The following ALK variants were observed in gnomAD, a reference collection of about 807,000 sequenced individuals.
ALK encodes the protein ALK receptor tyrosine kinase.
In ALK, 74 loss-of-function variants were observed where a neutral mutation model predicts 163.1. The observed-to-expected ratio is 0.45, with a 90% CI of 0.38 to 0.55. ALK has a LOEUF of 0.55. ALK is among the 20% of genes least tolerant of loss of function. The probability of loss-of-function intolerance (pLI) is 0.00; values close to 1 mark genes in which losing one functional copy is unlikely to be tolerated. For synonymous variants in ALK, 960 were observed against 843.2 expected, an observed-to-expected ratio of 1.14 and a Z score of -2.40; for missense variants, 2,063 against 2,105.3, an observed-to-expected ratio of 0.98 and a Z score of 0.39.
intron 1 of ALK, among the ~76,000 whole-genome samples, chr2:29,873,465 G>A (rs796591450): frequency 4.6e-5 from 7 of 152,246 alleles, no homozygotes; most frequent in Admixed American, 2.0e-4. Flanking sequence ...CTGAGAATGG[G>A]AAACCTGGAA....
At chr2:29,506,612 G>T (rs1283215243) in intron 4 of ALK, among the ~76,000 whole-genome samples, 1 of 152,236 alleles carries the variant, frequency 6.6e-6, no homozygotes. Flanking sequence ...CAGGCCTGGT[G>T]GTGGGTGCCT....
At chr2:29,431,942 C>T (rs1670282570) in intron 4 of ALK, among the ~76,000 whole-genome samples, 1 of 151,984 alleles carries the variant, frequency 6.6e-6, no homozygotes, top group African/African-American at 2.4e-5. Context: ...CCCGTCCCGT[C>T]CAGTCCCGTC....
rs139972521 is a variant in ALK at position 29,434,393 on chromosome 2, T to C, written c.1155-50534A>G. Among the ~76,000 whole-genome samples, 31 of 152,302 alleles carry C rather than the reference T, an allele frequency of 2.0e-4. No individual in the cohort carries two copies. The East Asian group carries it at 5.2e-3, about 26-fold the overall frequency. On this transcript the variant is annotated intron_variant, in intron 4 of 28. Coordinates refer to ENST00000389048, the MANE Select transcript of ALK (RefSeq NM_004304.5). ...GGCCCACTCCCACGCCTGCTTTGTC[T>C]CCTGGGAATATCAAATTCATATTGA...
chr2:29,501,954 T>C (rs1672199409), intron 4 of ALK, among the ~76,000 whole-genome samples: 1 of 152,184 alleles, frequency 6.6e-6, no homozygotes, highest in Non-Finnish European at 1.5e-5. Context: ...TGTGTCTGGT[T>C]AGCATAATGT....
intron 23 of ALK, among the ~76,000 whole-genome samples, chr2:29,215,066 A>G (rs1669564689): frequency 6.6e-6 from 1 of 152,350 alleles, no homozygotes; most frequent in African/African-American, 2.4e-5. Flanking sequence ...GGGTCAAATC[A>G]ATCCCCTTTA....
chr2:29,837,538 A>G (rs142360516), intron 1 of ALK, among the ~76,000 whole-genome samples: 1 of 152,326 alleles, frequency 6.6e-6, no homozygotes, highest in Non-Finnish European at 1.5e-5. Flanking sequence ...ACCCCAATCT[A>G]CTGGAGATGG....
chr2:29,461,058 G>T (rs1159933980), intron 4 of ALK, among the ~76,000 whole-genome samples: 11 of 152,174 alleles, frequency 7.2e-5, no homozygotes, highest in African/African-American at 2.7e-4. Context: ...GTTCTGAATA[G>T]GAGATCAAAT....
chr2:29,576,084 C>A lies in ALK; in HGVS notation c.953-43968G>T, dbSNP rs1374189661. Among the ~76,000 whole-genome samples the A allele has an allele frequency of 2.6e-5, 4 of 152,296 alleles. No individual in the cohort carries two copies. The East Asian group carries it at 5.8e-4, about 22-fold the overall frequency. ...CCATTTCATAATTAGCCAGTGGGTG[C>A]ACGGGGTGCAGTCAGGAACTGGGGC... On this transcript the variant is annotated intron_variant, in intron 3 of 28. Transcript: ENST00000389048.
At chr2:29,199,060 T>C (rs1465472956) in intron 26 of ALK, among the ~76,000 whole-genome samples, 1 of 152,106 alleles carries the variant, frequency 6.6e-6, no homozygotes, top group African/African-American at 2.4e-5. Flanking sequence ...TTCAAGTGAT[T>C]CGCCTGCCTC....
chr2:29,853,217 C>G (rs765875144), intron 1 of ALK, among the ~76,000 whole-genome samples: 2 of 152,120 alleles, frequency 1.3e-5, no homozygotes, highest in Non-Finnish European at 2.9e-5. Context: ...TCTCCACTCC[C>G]CAGCTTCTGC....
intron 4 of ALK, among the ~76,000 whole-genome samples, chr2:29,484,450 A>G (rs180893317): frequency 6.6e-6 from 1 of 152,318 alleles, no homozygotes; most frequent in East Asian, 1.9e-4. Context: ...AGATCAGTTT[A>G]AAGTGTTCCT....
intron 4 of ALK, among the ~76,000 whole-genome samples, chr2:29,510,262 AATTGGC>A (rs1368259646): frequency 1.3e-5 from 2 of 152,192 alleles, no homozygotes; most frequent in Non-Finnish European, 2.9e-5. Flanking sequence ...TGTCCCTAGC[AATTGGC>A]ATTCTTAAGT....
chr2:29,685,791 C>G (rs1678220154), intron 3 of ALK, among the ~76,000 whole-genome samples: 1 of 152,224 alleles, frequency 6.6e-6, no homozygotes, highest in African/African-American at 2.4e-5. Flanking sequence ...GGTAAGAAGT[C>G]TAAAATGGGT....
chr2:29,657,056 A>T (rs1677205063), intron 3 of ALK, among the ~76,000 whole-genome samples: 1 of 152,160 alleles, frequency 6.6e-6, no homozygotes, highest in Non-Finnish European at 1.5e-5. Context: ...AGATTGGTGA[A>T]GTTGCAAGGA....
intron 1 of ALK, among the ~76,000 whole-genome samples, chr2:29,827,478 A>G (rs76002958): frequency 6.6e-6 from 1 of 152,282 alleles, no homozygotes; most frequent in African/African-American, 2.4e-5. Context: ...CAGATTTTAC[A>G]TATTAGAGAT....
At chr2:29,225,626 C>A (rs1663957223) in intron 18 of ALK, 61 bp from the exon 19 acceptor site, 3 of 1,430,228 alleles carry the variant, frequency 2.1e-6, no homozygotes, top group South Asian at 2.4e-5. Context: ...GAGTTGGTCC[C>A]AAGTCAGAAA....
chr2:29,235,856 CTTTT>C (rs569363324), intron 13 of ALK, among the ~76,000 whole-genome samples: 2,255 of 37,778 alleles, frequency 0.06, 30 homozygotes, highest in Non-Finnish European at 0.089. Context: ...CCAGGCTCGA[CTTTT>C]TTTTTTTTTT....
At chr2:29,587,708 G>A (rs1674929809) in intron 3 of ALK, among the ~76,000 whole-genome samples, 1 of 152,102 alleles carries the variant, frequency 6.6e-6, no homozygotes, top group Non-Finnish European at 1.5e-5. Flanking sequence ...CCCGGGTGAG[G>A]GGAGAGTTTT....
At chr2:29,891,106 G>A (rs1039600187) in intron 1 of ALK, 1 of 152,176 alleles carries the variant, frequency 6.6e-6, no homozygotes, top group Non-Finnish European at 1.5e-5. Flanking sequence ...ACATAGCTTG[G>A]GGGGAAACCT....
Sources: gnomAD v4.1 joint callset for allele counts (sites outside exome capture counted in the v4.1 genomes callset) on GRCh38, gnomAD v4.1.1 for gene constraint, MANE v1.5 for transcripts, NCBI Gene and HGNC (gene_info 2026-07-23, HGNC 2026-07-21) for gene names.